Variants in SCFD2 observed in about 807,000 individuals in gnomAD.
SCFD2 encodes sec1 family domain-containing protein 2.
A neutral mutation model predicts 58.9 loss-of-function variants in SCFD2; 54 were observed. The observed-to-expected ratio is 0.92, with a 90% confidence interval of 0.74 to 1.15. The LOEUF (loss-of-function observed/expected upper bound fraction) is 1.15, where lower values mean the gene tolerates loss of function less well. Ranked by LOEUF, SCFD2 falls within the 50% of genes most tolerant of loss-of-function variation. SCFD2 has a pLI of 0.00. For missense variants in SCFD2, 805 were observed against 836.6 expected, an observed-to-expected ratio of 0.96 and a Z score of 0.47; for synonymous variants, 321 against 335.9, an observed-to-expected ratio of 0.96 and a Z score of 0.49.
At chr4:53,307,465 A>G (rs1393644405) in intron 3 of SCFD2, among the ~76,000 whole-genome samples, 1 of 152,242 alleles carries the variant, frequency 6.6e-6, no homozygotes, top group African/African-American at 2.4e-5. Flanking sequence ...GAAGTCAGAC[A>G]GATCCAGCTT....
At chr4:53,238,842 T>C (rs1729784471) in intron 4 of SCFD2, among the ~76,000 whole-genome samples, 2 of 146,636 alleles carry the variant, frequency 1.4e-5, no homozygotes, top group African/African-American at 5.1e-5. Context: ...CTAGGTGGGA[T>C]GGCGGCCGGG....
At chr4:52,983,088 G>A (rs569877445) in intron 5 of SCFD2, among the ~76,000 whole-genome samples, 1 of 152,114 alleles carries the variant, frequency 6.6e-6, no homozygotes, top group African/African-American at 2.4e-5. Context: ...ACCTATACAA[G>A]GTATTGTTTC....
chr4:53,104,867 A>G (rs766383416), intron 5 of SCFD2, among the ~76,000 whole-genome samples: 1 of 152,138 alleles, frequency 6.6e-6, no homozygotes, highest in African/African-American at 2.4e-5. Context: ...GAGATTTGGT[A>G]GTAAAAAGAG....
intron 5 of SCFD2, among the ~76,000 whole-genome samples, chr4:53,106,712 CTA>C (rs1320258627): frequency 6.6e-6 from 1 of 152,066 alleles, no homozygotes; most frequent in African/African-American, 2.4e-5. Context: ...GAATAGGGGA[CTA>C]TGTGAAAAGA....
At chr4:53,305,176 T>C (rs781131976) in intron 3 of SCFD2, among the ~76,000 whole-genome samples, 6 of 152,180 alleles carry the variant, frequency 3.9e-5, no homozygotes, top group Non-Finnish European at 1.5e-5. Context: ...ATTATATACA[T>C]ATGTATTTTT....
chr4:53,352,823 GATAA>G, intron 1 of SCFD2, 57 bp from the exon 2 acceptor site: 1 of 1,451,940 alleles, frequency 6.9e-7, no homozygotes, highest in Admixed American at 1.8e-5. Context: ...AAGCAAGTTG[GATAA>G]ATGTTTTATC....
chr4:53,196,169 CAG>C (rs1248293000), intron 4 of SCFD2, among the ~76,000 whole-genome samples: 2 of 152,154 alleles, frequency 1.3e-5, no homozygotes, highest in Non-Finnish European at 2.9e-5. Flanking sequence ...TCCTTTGGCA[CAG>C]AGTCTTTTGA....
At position 53,366,011 on chromosome 4, in the gene SCFD2, T is replaced by C. The variant is rs1287653136; in HGVS notation, c.-70A>G. Reference sequence around the variant, plus strand: ...TTTCAGAACTCACCGCTTCCGGAAATTGGGCTCCGGGAGACTTTGACAGTC... The same window carrying C: ...TTTCAGAACTCACCGCTTCCGGAAACTGGGCTCCGGGAGACTTTGACAGTC... On this transcript the variant is annotated 5_prime_UTR_variant, in exon 1 of 9. Transcript: ENST00000401642. 6.0e-6 allele frequency: 9 copies of C among 1,495,088 alleles called. No individual in the cohort carries two copies. Among genetic ancestry groups the C allele is most frequent in the East Asian group, 4.6e-5 (2 of 43,854 alleles). 92.6% of individuals were successfully genotyped at this position (1,495,088 alleles called of 1,614,324 possible).
At chr4:53,218,530 G>C (rs1420376419) in intron 4 of SCFD2, among the ~76,000 whole-genome samples, 1 of 152,082 alleles carries the variant, frequency 6.6e-6, no homozygotes, top group Non-Finnish European at 1.5e-5. Context: ...GATTATTCTA[G>C]TTAGGCATTC....
intron 4 of SCFD2, among the ~76,000 whole-genome samples, chr4:53,259,448 T>G (rs1172191876): frequency 1.3e-5 from 2 of 152,212 alleles, no homozygotes; most frequent in African/African-American, 2.4e-5. Flanking sequence ...GCTTTCCAAT[T>G]ATCCCAGCAC....
intron 7 of SCFD2, among the ~76,000 whole-genome samples, chr4:52,899,238 C>T (rs1207150775): frequency 6.6e-6 from 1 of 152,158 alleles, no homozygotes; most frequent in African/African-American, 2.4e-5. Flanking sequence ...CAGTTTCTTC[C>T]TAGCCTCGAT....
chr4:53,266,894 C>T (rs1731001222), intron 4 of SCFD2, among the ~76,000 whole-genome samples: 2 of 152,130 alleles, frequency 1.3e-5, no homozygotes, highest in African/African-American at 4.8e-5. Flanking sequence ...CCCAAGAATA[C>T]TCAAAAAGGT....
chr4:53,033,871 T>C (rs1020747409), intron 5 of SCFD2, among the ~76,000 whole-genome samples: 5 of 152,114 alleles, frequency 3.3e-5, no homozygotes, highest in African/African-American at 1.2e-4. Flanking sequence ...CATAGCCGAA[T>C]CCTACCAGAG....
rs144275705 is a variant in SCFD2, at chr4:53,001,999, A to T, written c.1562-81129T>A. On this transcript the variant is annotated intron_variant, in intron 5 of 8. Coordinates refer to ENST00000401642, the MANE Select transcript of SCFD2 (RefSeq NM_152540.4). ...TTTTTCCACTATTTGCTATTAAGTG[A>T]TCTTGTGGTTTACTGAATAATAAAT... Among the ~76,000 whole-genome samples the T allele has an allele frequency of 1.9e-3, 290 of 152,346 alleles. 2 individuals carry two copies. The highest frequency in any genetic ancestry group is 6.6e-3 in the African/African-American group (273 of 41,582).
At chr4:52,905,215 T>C (rs1719316314) in intron 7 of SCFD2, among the ~76,000 whole-genome samples, 1 of 152,258 alleles carries the variant, frequency 6.6e-6, no homozygotes, top group African/African-American at 2.4e-5. Flanking sequence ...GCCTCACCTC[T>C]ATCTCAAAGA....
At chr4:53,050,988 C>T (rs187533386) in intron 5 of SCFD2, among the ~76,000 whole-genome samples, 131 of 152,268 alleles carry the variant, frequency 8.6e-4, no homozygotes, top group African/African-American at 3.0e-3. Context: ...CTCAAAACAT[C>T]AGGTTATTTT....
intron 5 of SCFD2, among the ~76,000 whole-genome samples, chr4:53,092,958 G>T (rs563742491): frequency 1.3e-5 from 2 of 152,062 alleles, no homozygotes; most frequent in Admixed American, 1.3e-4. Context: ...TCTGAAGGAG[G>T]TACAAGAGTG....
chr4:53,093,276 A>G (rs1254804223), intron 5 of SCFD2, among the ~76,000 whole-genome samples: 2 of 152,128 alleles, frequency 1.3e-5, no homozygotes, highest in Non-Finnish European at 2.9e-5. Context: ...TGTTCAAGGG[A>G]TGGCATGTTT....
chr4:53,121,811 A>G (rs1311417160), intron 5 of SCFD2, among the ~76,000 whole-genome samples: 4 of 152,248 alleles, frequency 2.6e-5, no homozygotes, highest in Non-Finnish European at 5.9e-5. Flanking sequence ...TTACATAAAC[A>G]TAACTAATTG....
Sources: allele counts gnomAD v4.1 joint callset (sites outside exome capture counted in the v4.1 genomes callset), GRCh38; gene constraint gnomAD v4.1.1; transcripts MANE v1.5; gene names NCBI Gene and HGNC (gene_info 2026-07-23, HGNC 2026-07-21).